The following UGT1A7 variants were observed in gnomAD, a reference collection of about 807,000 sequenced individuals.
UGT1A7 encodes the protein UDP glucuronosyltransferase family 1 member A7, also known as UDP-glucuronosyltransferase 1A7.
Under a neutral mutation model 45.6 loss-of-function variants are expected in UGT1A7, and 33 were observed. The ratio of observed to expected loss-of-function variants is 0.72; its 90% confidence interval spans 0.55 to 0.97. The LOEUF is 0.97. Among genes scored for constraint, UGT1A7 ranks in the 50% least tolerant of loss-of-function variants. UGT1A7 has a pLI of 0.00. For missense variants in UGT1A7, 684 were observed against 666.2 expected (o/e 1.03, Z -0.29); for synonymous variants, 274 against 250.6 (o/e 1.09, Z -0.88).
chr2:233,722,328 T>C (rs2077007170), intron 1 of UGT1A7, among the ~76,000 whole-genome samples: 1 of 152,230 alleles, frequency 6.6e-6, no homozygotes, highest in African/African-American at 2.4e-5. Flanking sequence ...GGTTGACCCT[T>C]AGATTTGAAA....
rs558109660 is a variant in UGT1A7, at chr2:233,768,353, TA to T, written c.1211del (p.Lys404ArgfsTer5). The T allele has an allele frequency of 4.0e-5, 64 of 1,614,032 alleles. No individual in the cohort carries two copies. Among genetic ancestry groups the T allele is most frequent in the Non-Finnish European group, 5.4e-5 (64 of 1,180,040 alleles). ...TGGACAATGCAAAGCGCATGGAGAC[TA>T]AGGGAGCTGGAGTGACCCTGAATGT... ...QMDNAKRMET[K>X]GAGVTLNVLE... is the part of the protein sequence containing the mutation. On this transcript the variant is annotated frameshift_variant, in exon 4 of 5. Coordinates refer to ENST00000373426, the MANE Select transcript of UGT1A7 (RefSeq NM_019077.3). LOFTEE classifies it high-confidence loss of function.
At chr2:233,758,604 G>A (rs1575759841) in intron 1 of UGT1A7, among the ~76,000 whole-genome samples, 2 of 152,306 alleles carry the variant, frequency 1.3e-5, no homozygotes, top group East Asian at 3.9e-4. Context: ...AGGAGCTTCA[G>A]TGTGCATGTG....
At position 233,682,641 on chromosome 2, in the gene UGT1A7, T is replaced by C. The variant is rs779606740; in HGVS notation, c.704T>C (p.Leu235Pro). 1 of 1,613,940 alleles carries C rather than the reference T, an allele frequency of 6.2e-7. No homozygotes were observed. The highest frequency in any genetic ancestry group is 1.1e-5 in the South Asian group (1 of 91,072). ...GTCTTAGAAATAGCCTCTGAAATTC[T>C]CCAAACCCCTGTCACGGCATATGAT... ...KNVLEIASEI[L>P]QTPVTAYDLY... is the part of the protein sequence containing the mutation. Residue 235 changes from leucine to proline, a missense_variant, in exon 1 of 5, where the codon CTC becomes CCC. Transcript: ENST00000373426.
At chr2:233,771,437 T>C (rs981684428) in intron 4 of UGT1A7, 1 of 152,226 alleles carries the variant, frequency 6.6e-6, no homozygotes, top group Non-Finnish European at 1.5e-5. Context: ...CATTTTGCAC[T>C]AAGTGGCTGC....
At position 233,688,626 on chromosome 2, in the gene UGT1A7, G is replaced by A. The variant is rs115592772; in HGVS notation, c.855+5834G>A. On this transcript the variant is annotated intron_variant, in intron 1 of 4. Coordinates refer to ENST00000373426, the MANE Select transcript of UGT1A7 (RefSeq NM_019077.3). ...TAACACCCTCAGCAAACATGAGTTC[G>A]TCTTGTTTTTGTTGGTGTTACAGAA... 5.6e-3 allele frequency among the ~76,000 whole-genome samples: 846 copies of A among 152,204 alleles called. 7 individuals carry two copies. Among genetic ancestry groups the A allele is most frequent in the African/African-American group, 0.019 (799 of 41,536 alleles).
At chr2:233,719,061 G>A (rs193183920) in intron 1 of UGT1A7, 1 of 1,614,280 alleles carries the variant, frequency 6.2e-7, no homozygotes, top group Admixed American at 1.7e-5. Flanking sequence ...GACAGCCTAT[G>A]CTGTTCCATG....
chr2:233,724,346 C>T (rs1441595042), intron 1 of UGT1A7, among the ~76,000 whole-genome samples: 2 of 148,086 alleles, frequency 1.4e-5, no homozygotes, highest in Admixed American at 6.7e-5. Context: ...GCTGACCCCC[C>T]CCACCTCCCT....
chr2:233,713,930 G>C (rs1200038289), intron 1 of UGT1A7: 3 of 1,611,758 alleles, frequency 1.9e-6, no homozygotes, highest in Non-Finnish European at 2.5e-6. Flanking sequence ...TTACTTACAA[G>C]TGCTTCCATA....
intron 1 of UGT1A7, among the ~76,000 whole-genome samples, chr2:233,683,700 T>G (rs531254121): frequency 6.6e-6 from 1 of 152,320 alleles, no homozygotes; most frequent in East Asian, 1.9e-4. Context: ...ATTTCATTAT[T>G]TTTGAAACCA....
intron 1 of UGT1A7, among the ~76,000 whole-genome samples, chr2:233,694,572 A>G (rs1254227548): frequency 6.6e-6 from 1 of 152,230 alleles, no homozygotes; most frequent in Non-Finnish European, 1.5e-5. Flanking sequence ...TTAAATTTCA[A>G]TGTAAATATT....
rs568508589 is a variant in UGT1A7, at chr2:233,772,293, C to T, written c.1327C>T (p.Leu443Phe). ...YKENIMRLSS[L>F]HKDRPVEPLD... Reference sequence around the variant, plus strand: ...GGAGAACATCATGCGCCTCTCCAGCCTTCACAAGGACCGCCCGGTGGAGCC... The same window carrying T: ...GGAGAACATCATGCGCCTCTCCAGCTTTCACAAGGACCGCCCGGTGGAGCC... The change falls in exon 5 of 5, where the codon CTT becomes TTT. Residue 443 changes from leucine (L) to phenylalanine (F), a missense_variant. Transcript: ENST00000373426. 1.2e-6 allele frequency: 2 copies of T among 1,614,258 alleles called. No homozygotes were observed. Among genetic ancestry groups the T allele is most frequent in the Non-Finnish European group, 1.7e-6 (2 of 1,180,050 alleles).
intron 1 of UGT1A7, among the ~76,000 whole-genome samples, chr2:233,684,764 A>G (rs1012371005): frequency 2.6e-5 from 4 of 152,186 alleles, no homozygotes; most frequent in African/African-American, 9.6e-5. Context: ...AATTCAGATC[A>G]TAAAGAGTGC....
intron 1 of UGT1A7, among the ~76,000 whole-genome samples, chr2:233,727,385 C>T (rs892403095): frequency 5.3e-5 from 8 of 152,128 alleles, no homozygotes; most frequent in African/African-American, 9.7e-5. Context: ...GGAGTACCAC[C>T]GTCTTCCAAG....
At chr2:233,721,315 T>C (rs1187847952) in intron 1 of UGT1A7, among the ~76,000 whole-genome samples, 1 of 152,192 alleles carries the variant, frequency 6.6e-6, no homozygotes, top group Non-Finnish European at 1.5e-5. Context: ...ATTGTGGCTC[T>C]TTTCTTGTGG....
In UGT1A7 at chr2:233,682,511, A is replaced by G; in HGVS notation, c.574A>G (p.Arg192Gly). The change falls in exon 1 of 5, where the codon AGA (arginine) becomes GGA (glycine). Residue 192 changes from arginine to glycine, a missense_variant. Coordinates refer to ENST00000373426, the MANE Select transcript of UGT1A7 (RefSeq NM_019077.3). ...CCCTGCTCCTCTTTCCTATGTCCCC[A>G]GACTTCTCTTAGGGTTCTCAGACGC... ...QCPAPLSYVP[R>G]LLLGFSDAMT... 6.2e-7 allele frequency: 1 copy of G among 1,613,916 alleles called. No individual in the cohort carries two copies.
chr2:233,770,703 G>C (rs1283135440), intron 4 of UGT1A7: 2 of 151,540 alleles, frequency 1.3e-5, no homozygotes, highest in African/African-American at 4.8e-5. Flanking sequence ...TCATCTTAAG[G>C]TTTATGTAAA....
At chr2:233,684,330 T>G (rs1255632996) in intron 1 of UGT1A7, among the ~76,000 whole-genome samples, 2 of 152,192 alleles carry the variant, frequency 1.3e-5, no homozygotes, top group Non-Finnish European at 2.9e-5. Context: ...TGTAGGACGC[T>G]AAGAGGATAG....
At chr2:233,692,802 A>G (rs2075115278) in intron 1 of UGT1A7, 1 of 1,397,668 alleles carries the variant, frequency 7.2e-7, no homozygotes, top group Non-Finnish European at 9.3e-7. Context: ...TGACACGGCC[A>G]TAGTTGGTTC....
intron 1 of UGT1A7, chr2:233,761,214 TTAAC>T (rs747537928): frequency 1.9e-6 from 3 of 1,613,728 alleles, no homozygotes; most frequent in Non-Finnish European, 2.5e-6. Context: ...TTTGGATCGA[TTAAC>T]TAGCCCCAGA....
Sources: gnomAD v4.1 joint callset for allele counts (sites outside exome capture counted in the v4.1 genomes callset) on GRCh38, gnomAD v4.1.1 for gene constraint, MANE v1.5 for transcripts, NCBI Gene and HGNC (gene_info 2026-07-23, HGNC 2026-07-21) for gene names.